The following PRDM5 variants were observed in gnomAD, a reference collection of about 807,000 sequenced individuals.
PRDM5 encodes PR/SET domain 5.
Under a neutral mutation model 81.2 loss-of-function variants are expected in PRDM5, and 56 were observed. The observed-to-expected ratio is 0.69, with a 90% CI of 0.56 to 0.86. PRDM5 has a LOEUF of 0.86. Among genes scored for constraint, PRDM5 ranks in the 40% least tolerant of loss-of-function variants. The probability of loss-of-function intolerance (pLI) is 0.00; values close to 1 mark genes in which losing one functional copy is unlikely to be tolerated. For synonymous variants in PRDM5, 267 were observed against 256.4 expected, an observed-to-expected ratio of 1.04 and a Z score of -0.39; for missense variants, 697 against 770.1, an observed-to-expected ratio of 0.91 and a Z score of 1.12.
At chr4:120,739,479 T>C (rs923576453) in intron 14 of PRDM5, among the ~76,000 whole-genome samples, 1 of 152,182 alleles carries the variant, frequency 6.6e-6, no homozygotes, top group Admixed American at 6.5e-5. Context: ...AGAATGCAGA[T>C]ACCATTTAAA....
chr4:120,909,231 C>T (rs532703897), intron 1 of PRDM5, among the ~76,000 whole-genome samples: 7 of 152,296 alleles, frequency 4.6e-5, no homozygotes, highest in African/African-American at 1.7e-4. Context: ...CTTCACCAAG[C>T]CAACACTCAA....
chr4:120,806,000 T>C (rs1326358525), intron 8 of PRDM5, among the ~76,000 whole-genome samples: 2 of 152,090 alleles, frequency 1.3e-5, no homozygotes, highest in African/African-American at 4.8e-5. Context: ...ACTTCAGCAG[T>C]CTCAGGATAC....
At chr4:120,752,038 G>C (rs573611382) in intron 14 of PRDM5, among the ~76,000 whole-genome samples, 75 of 152,268 alleles carry the variant, frequency 4.9e-4, no homozygotes, top group African/African-American at 1.8e-3. Context: ...AATGTGTTAT[G>C]GCCCAAATGT....
chr4:120,823,429 A>G (rs1157405386), intron 3 of PRDM5, among the ~76,000 whole-genome samples: 2 of 152,174 alleles, frequency 1.3e-5, no homozygotes, highest in Admixed American at 6.5e-5. Context: ...AATGTGATAT[A>G]AAGAGGAATA....
chr4:120,750,913 T>C (rs113613066), intron 14 of PRDM5, among the ~76,000 whole-genome samples: 1 of 152,250 alleles, frequency 6.6e-6, no homozygotes, highest in Non-Finnish European at 1.5e-5. Context: ...GTGAAAAAGG[T>C]GGGCCACACA....
chr4:120,854,769 T>C (rs891101906), intron 2 of PRDM5, among the ~76,000 whole-genome samples: 4 of 151,988 alleles, frequency 2.6e-5, no homozygotes, highest in Admixed American at 2.0e-4. Context: ...CTCTATTCCA[T>C]GAGGCCATCA....
chr4:120,740,019 C>T (rs1426373502), intron 14 of PRDM5, among the ~76,000 whole-genome samples: 1 of 152,062 alleles, frequency 6.6e-6, no homozygotes, highest in East Asian at 1.9e-4. Flanking sequence ...TTCCCTTTTA[C>T]AAAAGAAAAT....
chr4:120,764,046 A>G (rs1746019858), intron 13 of PRDM5, among the ~76,000 whole-genome samples: 1 of 152,164 alleles, frequency 6.6e-6, no homozygotes, highest in Non-Finnish European at 1.5e-5. Context: ...GCAACAGCAG[A>G]AGAAAGCACA....
intron 10 of PRDM5, among the ~76,000 whole-genome samples, chr4:120,790,527 T>C (rs1421995057): frequency 6.6e-6 from 1 of 152,166 alleles, no homozygotes; most frequent in Non-Finnish European, 1.5e-5. Context: ...GCTAAAGAAA[T>C]TGGTAATTTT....
At chr4:120,766,545 T>A (rs1001337622) in intron 13 of PRDM5, among the ~76,000 whole-genome samples, 3 of 152,232 alleles carry the variant, frequency 2.0e-5, no homozygotes, top group Non-Finnish European at 4.4e-5. Context: ...TTGGTTGATA[T>A]ATCAACAAGA....
intron 15 of PRDM5, among the ~76,000 whole-genome samples, chr4:120,705,065 A>T (rs982193629): frequency 2.6e-5 from 4 of 152,236 alleles, no homozygotes; most frequent in African/African-American, 9.6e-5. Flanking sequence ...TTCTAAATAG[A>T]GACTGAAACT....
intron 13 of PRDM5, among the ~76,000 whole-genome samples, chr4:120,774,899 T>TAA (rs1747866159): frequency 7.1e-6 from 1 of 141,352 alleles, no homozygotes. Flanking sequence ...TATATATATA[T>TAA]ATATATATGT....
chr4:120,703,337 C>T (rs186472340), intron 15 of PRDM5, among the ~76,000 whole-genome samples: 10 of 152,152 alleles, frequency 6.6e-5, no homozygotes, highest in East Asian at 1.9e-4. Context: ...AAGTGTGTGC[C>T]GCCATGCCAG....
intron 8 of PRDM5, among the ~76,000 whole-genome samples, chr4:120,807,352 C>G (rs775960244): frequency 3.9e-5 from 6 of 152,206 alleles, no homozygotes; most frequent in Non-Finnish European, 8.8e-5. Flanking sequence ...TGGGTATATA[C>G]CATTACTGGG....
At position 120,734,421 on chromosome 4, in the gene PRDM5, T is replaced by TACACACACACACACACACACACAC. The variant is rs149559268; in HGVS notation, c.1623+20108_1623+20131dup. Among the ~76,000 whole-genome samples, 839 of 138,072 alleles carry TACACACACACACACACACACACAC rather than the reference T, an allele frequency of 6.1e-3. 7 individuals are homozygous for TACACACACACACACACACACACAC. The highest frequency in any genetic ancestry group is 0.022 in the African/African-American group (802 of 36,602). 90.6% of individuals were successfully genotyped at this position (138,072 alleles called of 152,430 possible). ...ACACACACACACACACACACACAAA[T>TACACACACACACACACACACACAC]ACACACACACACACACACACACACA... On this transcript the variant is annotated intron_variant, in intron 14 of 15. Coordinates refer to ENST00000264808, the MANE Select transcript of PRDM5 (RefSeq NM_018699.4).
chr4:120,733,881 T>A (rs1740635580), intron 14 of PRDM5, among the ~76,000 whole-genome samples: 1 of 127,812 alleles, frequency 7.8e-6, no homozygotes. Context: ...AGAAAAACAA[T>A]GACACAAAAG....
At chr4:120,772,128 G>A (rs1747380038) in intron 13 of PRDM5, among the ~76,000 whole-genome samples, 2 of 152,012 alleles carry the variant, frequency 1.3e-5, no homozygotes, top group African/African-American at 4.8e-5. Context: ...GGCAGAGGAG[G>A]GTATAACAGG....
chr4:120,902,931 T>C (rs552683681), intron 2 of PRDM5, among the ~76,000 whole-genome samples: 1 of 150,402 alleles, frequency 6.6e-6, no homozygotes, highest in African/African-American at 2.4e-5. Context: ...TCACAAAGGC[T>C]CACACCTACC....
rs551859748 is a variant in PRDM5 at position 120,861,136 on chromosome 4, T to G, written c.178-7596A>C. ...AATTCTCCAGCCTCAGCCTCCCGAG[T>G]AGCTGGGATTACAGATGTGTACCAC... On this transcript the variant is annotated intron_variant, in intron 2 of 15. Transcript: ENST00000264808. 3.9e-5 allele frequency among the ~76,000 whole-genome samples: 6 copies of G among 152,202 alleles called. No homozygotes were observed. In the South Asian group the frequency reaches 1.2e-3, roughly 32 times the overall value.
Sources: allele counts gnomAD v4.1 joint callset (sites outside exome capture counted in the v4.1 genomes callset), GRCh38; gene constraint gnomAD v4.1.1; transcripts MANE v1.5; gene names NCBI Gene and HGNC (gene_info 2026-07-23, HGNC 2026-07-21).